MALRD1: variants seen among roughly 807,000 people sequenced by gnomAD.
The protein encoded by MALRD1 is MAM and LDL receptor class A domain containing 1, also known as MAM and LDL-receptor class A domain-containing protein 1.
A neutral mutation model predicts 242.1 loss-of-function variants in MALRD1; 247 were observed. The ratio of observed to expected loss-of-function variants is 1.02; its 90% CI spans 0.92 to 1.13. The LOEUF (loss-of-function observed/expected upper bound fraction) is 1.13. MALRD1 is among the 50% of genes most tolerant of loss of function. The pLI, the probability that MALRD1 is intolerant of heterozygous loss-of-function variation, is 0.00. For synonymous variants in MALRD1, 995 were observed against 866.6 expected (o/e 1.15, Z -2.60); for missense variants, 2,989 against 2,533.1 (o/e 1.18, Z -3.86).
chr10:19,278,385 C>T lies in MALRD1; in HGVS notation c.3080-1662C>T, dbSNP rs185247956. On this transcript the variant is annotated intron_variant, in intron 19 of 39. Transcript: ENST00000454679. ...TTTTCCTCTGTTTTCTTTCAATACA[C>T]TGTGAAATCTTCCATTTGTTATTTT... is the stretch of plus-strand genomic sequence containing the variant. 1.3e-4 allele frequency among the ~76,000 whole-genome samples: 20 copies of T among 152,250 alleles called. No homozygotes were observed. In the East Asian group the frequency reaches 3.7e-3, roughly 28 times the overall value.
At chr10:19,295,764 A>G (rs1368636656) in intron 21 of MALRD1, among the ~76,000 whole-genome samples, 1 of 152,162 alleles carries the variant, frequency 6.6e-6, no homozygotes, top group Non-Finnish European at 1.5e-5. Flanking sequence ...GTACCTAGCA[A>G]AGCACATTCC....
intron 31 of MALRD1, among the ~76,000 whole-genome samples, chr10:19,522,370 G>C (rs1309833541): frequency 6.6e-6 from 1 of 152,108 alleles, no homozygotes; most frequent in Admixed American, 6.5e-5. Context: ...AAGGCCATTA[G>C]TGTGAGGTTT....
chr10:19,333,835 C>T (rs917905410), intron 24 of MALRD1, among the ~76,000 whole-genome samples: 5 of 151,874 alleles, frequency 3.3e-5, no homozygotes, highest in Non-Finnish European at 5.9e-5. Context: ...TTAATAAAGG[C>T]ATTTTGACTA....
chr10:19,655,749 T>C (rs1283824076), intron 36 of MALRD1, among the ~76,000 whole-genome samples: 1 of 151,968 alleles, frequency 6.6e-6, no homozygotes, highest in African/African-American at 2.4e-5. Flanking sequence ...CATCTCTGAT[T>C]TACCTTCTGC....
intron 14 of MALRD1, among the ~76,000 whole-genome samples, chr10:19,178,894 A>C (rs935751706): frequency 6.6e-6 from 1 of 152,226 alleles, no homozygotes; most frequent in African/African-American, 2.4e-5. Context: ...CTCTGAACGT[A>C]AAGTGCACAC....
chr10:19,136,692 G>A lies in MALRD1; in HGVS notation c.1322G>A (p.Cys441Tyr). 8.1e-7 allele frequency: 1 copy of A among 1,231,692 alleles called. No homozygotes were observed. The highest frequency in any genetic ancestry group is 1.0e-6 in the Non-Finnish European group (1 of 987,996). 76.3% of individuals were successfully genotyped at this position (1,231,692 alleles called of 1,614,324 possible). A position where few individuals can be genotyped will look rare whatever the true frequency, so the allele number is the denominator to read the frequency against. Residue 441 changes from cysteine (C) to tyrosine (Y), a missense_variant, in exon 10 of 40, where the codon TGC (cysteine) becomes TAC (tyrosine). By Grantham distance (194) the Cys-to-Tyr change is radical. Coordinates refer to ENST00000454679, the MANE Select transcript of MALRD1 (RefSeq NM_001142308.3). ...RKLCSADEFPCTSGQCIAKES... is the reference protein window; with the variant it reads ...RKLCSADEFPYTSGQCIAKES... ...CTTTGCTCTGCAGACGAATTCCCTT[G>A]CACTAGTGGCCAGTGCATCGCCAAA...
At chr10:19,491,192 G>T in intron 29 of MALRD1, 2 of 522,474 alleles carry the variant, frequency 3.8e-6, no homozygotes, top group Non-Finnish European at 7.4e-6. Context: ...AGCAGGATTT[G>T]GTGGCAGGCT....
chr10:19,186,784 T>G (rs73593849), intron 14 of MALRD1, among the ~76,000 whole-genome samples: 1 of 152,194 alleles, frequency 6.6e-6, no homozygotes, highest in South Asian at 2.1e-4. Flanking sequence ...CCTTTTCTTT[T>G]TGTTGCTTAT....
At chr10:19,310,172 G>T (rs1469828394) in intron 21 of MALRD1, among the ~76,000 whole-genome samples, 1 of 151,408 alleles carries the variant, frequency 6.6e-6, no homozygotes, top group Non-Finnish European at 1.5e-5. Context: ...ATTTTGCAAA[G>T]AGTAGGGTCA....
rs60939811 is a variant in MALRD1, at chr10:19,477,457, G to GAAATAAATAAAT, written c.5030-14040_5030-14029dup. On this transcript the variant is annotated intron_variant, in intron 29 of 39. Transcript: ENST00000454679. ...CTATTCTGCTACTCTAGAGTAGTTG[G>GAAATAAATAAAT]AAATAAATAAATAAATAAATAAATA... 2.5e-3 allele frequency among the ~76,000 whole-genome samples: 379 copies of GAAATAAATAAAT among 150,106 alleles called. 2 individuals are homozygous for GAAATAAATAAAT. Among genetic ancestry groups the GAAATAAATAAAT allele is most frequent in the African/African-American group, 7.0e-3 (284 of 40,812 alleles).
rs1433080799 is a variant in MALRD1 at position 19,157,953 on chromosome 10, A to G, written c.1656+2781A>G. ...CCAACACATGGCATCAGCATGGACA[A>G]TTGTTCCTGCAGCTAATCATTGTTC... On this transcript the variant is annotated intron_variant, in intron 12 of 39. Transcript: ENST00000454679. Among the ~76,000 whole-genome samples the G allele has an allele frequency of 2.0e-5, 3 of 152,200 alleles. No individual in the cohort carries two copies. The East Asian group carries it at 5.8e-4, about 29-fold the overall frequency.
chr10:19,454,433 A>ATATATATATAT (rs1835523396), intron 29 of MALRD1, among the ~76,000 whole-genome samples: 1 of 55,434 alleles, frequency 1.8e-5, no homozygotes, highest in Non-Finnish European at 3.9e-5. Context: ...TATATATATA[A>ATATATATATAT]TTATATGATA....
chr10:19,091,881 T>A (rs1435885596), intron 4 of MALRD1, among the ~76,000 whole-genome samples: 1 of 87,754 alleles, frequency 1.1e-5, no homozygotes, highest in Admixed American at 1.2e-4. Flanking sequence ...TTGTTCAGTT[T>A]CCATGTAGTT....
Position 19,520,364 on chromosome 10 carries a change from A to G in MALRD1, c.5321-10830A>G, listed in dbSNP as rs144718560. ...CTTTGTCATTGCATTTTGTCTACCA[A>G]TGGCTCAAAACAAGTATGTTTTTTC... is the stretch of plus-strand genomic sequence containing the variant. On this transcript the variant is annotated intron_variant, in intron 31 of 39. Transcript: ENST00000454679. 3.8e-3 allele frequency among the ~76,000 whole-genome samples: 568 copies of G among 150,714 alleles called. 3 individuals are homozygous for G. The highest frequency in any genetic ancestry group is 0.013 in the African/African-American group (550 of 41,220).
rs182459393 is a variant in MALRD1, at chr10:19,240,156, G to A, written c.2992-17528G>A. ...ATATAATGTCCATTTTTTGTGTATC[G>A]TAAATTTTTCCATCAGTGTGTTATA... On this transcript the variant is annotated intron_variant, in intron 18 of 39. Transcript: ENST00000454679. Among the ~76,000 whole-genome samples, 17 of 151,904 alleles carry A rather than the reference G, an allele frequency of 1.1e-4. No homozygotes were observed. The East Asian group carries it at 2.7e-3, about 24-fold the overall frequency.
chr10:19,310,217 T>A (rs1449508711), intron 21 of MALRD1, among the ~76,000 whole-genome samples: 1 of 151,402 alleles, frequency 6.6e-6, no homozygotes. Flanking sequence ...AGGATGTGCT[T>A]AGATTTGCTT....
chr10:19,441,573 C>G (rs554176029), intron 28 of MALRD1, among the ~76,000 whole-genome samples: 1 of 152,256 alleles, frequency 6.6e-6, no homozygotes, highest in African/African-American at 2.4e-5. Flanking sequence ...AGCCAGTTTC[C>G]CCAGCACCAT....
At chr10:19,331,991 G>A (rs956258307) in intron 24 of MALRD1, among the ~76,000 whole-genome samples, 3 of 152,014 alleles carry the variant, frequency 2.0e-5, no homozygotes, top group East Asian at 3.9e-4. Flanking sequence ...TCAGTCTCCC[G>A]AATAGCTGGG....
At chr10:19,255,216 G>A (rs1426874064) in intron 18 of MALRD1, among the ~76,000 whole-genome samples, 1 of 151,956 alleles carries the variant, frequency 6.6e-6, no homozygotes, top group Non-Finnish European at 1.5e-5. Flanking sequence ...AAACTAAACT[G>A]GATTTTCAGT....
Sources: gnomAD v4.1 joint callset for allele counts (sites outside exome capture counted in the v4.1 genomes callset) on GRCh38, gnomAD v4.1.1 for gene constraint, MANE v1.5 for transcripts, NCBI Gene and HGNC (gene_info 2026-07-23, HGNC 2026-07-21) for gene names.